Variants in GGT7 observed in about 807,000 individuals in gnomAD.
GGT7 encodes glutathione hydrolase 7.
GGT7 carries 30 observed loss-of-function variants against 69.2 expected under a neutral mutation model. The ratio of observed to expected loss-of-function variants is 0.43; its 90% CI spans 0.32 to 0.59. The LOEUF (loss-of-function observed/expected upper bound fraction) is 0.59. Among genes scored for constraint, GGT7 ranks in the 20% least tolerant of loss-of-function variants. GGT7 has a pLI of 0.05. For missense variants in GGT7, 733 were observed against 901.1 expected, an observed-to-expected ratio of 0.81 and a Z score of 2.39; for synonymous variants, 388 against 391.8, an observed-to-expected ratio of 0.99 and a Z score of 0.12.
intron 14 of GGT7, among the ~76,000 whole-genome samples, chr20:34,849,672 T>A (rs1449017877): frequency 6.6e-6 from 1 of 152,218 alleles, no homozygotes; most frequent in African/African-American, 2.4e-5. Context: ...ACGTGTTCAA[T>A]ACAAACTGTT....
At chr20:34,860,661 T>C (rs868472624) in intron 4 of GGT7, among the ~76,000 whole-genome samples, 2 of 126,530 alleles carry the variant, frequency 1.6e-5, no homozygotes, top group African/African-American at 6.4e-5. Flanking sequence ...TTTTTTTTTT[T>C]TCCTGTTACC....
chr20:34,854,168 C>G (rs1255881552), intron 10 of GGT7, among the ~76,000 whole-genome samples: 1 of 152,190 alleles, frequency 6.6e-6, no homozygotes, highest in African/African-American at 2.4e-5. Flanking sequence ...AACTCTTGAC[C>G]TCAGGTGATC....
chr20:34,854,739 A>C lies in GGT7; in HGVS notation c.1230+57T>G, dbSNP rs2079461852. 18 of 1,609,314 alleles carry C rather than the reference A, an allele frequency of 1.1e-5. No homozygotes were observed. The South Asian group carries it at 1.8e-4, about 16-fold the overall frequency. ...TTAGTCCTGCCCTATGGCAGTACCC[A>C]ATCTCCCCACTCCTAATATCCTTAA... is the stretch of plus-strand genomic sequence containing the variant. On this transcript the variant is annotated intron_variant, in intron 9 of 14. Coordinates refer to ENST00000336431, the MANE Select transcript of GGT7 (RefSeq NM_178026.3).
chr20:34,856,572 C>G (rs1056328116), intron 8 of GGT7, among the ~76,000 whole-genome samples: 3 of 152,152 alleles, frequency 2.0e-5, no homozygotes, highest in Non-Finnish European at 4.4e-5. Flanking sequence ...CCAGGTTGGA[C>G]CCTTTGACCA....
Position 34,872,665 on chromosome 20 carries a change from GA to G in GGT7, c.150del (p.Leu51TrpfsTer12). The G allele has an allele frequency of 6.7e-7, 1 of 1,481,976 alleles. No homozygotes were observed. The allele number at this position is 1,481,976 out of a possible 1,614,324, so 91.8% of individuals were successfully genotyped here. ...GCCTCACCGGTGTCGGGGTCTCCCA[GA>G]AAGGCGTCCTCGTCCTTGCGGCCCC... ...PLRGRKDEDAFLGDPDTDPDS... is the reference protein window; with the variant it reads ...PLRGRKDEDAXLGDPDTDPDS... On this transcript the variant is annotated frameshift_variant, in exon 1 of 15. Coordinates refer to ENST00000336431, the MANE Select transcript of GGT7 (RefSeq NM_178026.3). LOFTEE classifies it high-confidence loss of function.
At position 34,863,346 on chromosome 20, in the gene GGT7, C is replaced by A; in HGVS notation, c.372G>T (p.Ala124=). ...CLTFATGVTV[A]LVMQIYFGDP... The stretch of plus-strand genomic sequence containing the variant: ...CCCCGAAGTAGATCTGCATGACCAG[C>A]GCCACGGTGACACCGGTAGCGAAGG... Residue 124 remains alanine, a synonymous_variant, in exon 2 of 15, where the codon GCG becomes GCT. Transcript: ENST00000336431. The surrounding 1 kb of genome is among the most constrained non-coding windows in gnomAD (Gnocchi z 4.4). 2 of 1,613,850 alleles carry A rather than the reference C, an allele frequency of 1.2e-6. No homozygotes were observed. Among genetic ancestry groups the A allele is most frequent in the African/African-American group, 2.7e-5 (2 of 75,034 alleles).
rs45623531 is a variant in GGT7, at chr20:34,845,503, C to T, written c.1826-12G>A. ...CTCTGTGAACTCACCTGAAAACCAT[C>T]CCCGACATATACACATTCAGAATGT... On this transcript the variant is annotated splice_polypyrimidine_tract_variant and intron_variant, in intron 14 of 14. Coordinates refer to ENST00000336431, the MANE Select transcript of GGT7 (RefSeq NM_178026.3). The T allele has an allele frequency of 0.013, 21,132 of 1,611,692 alleles. 178 individuals are homozygous for T. Among genetic ancestry groups the T allele is most frequent in the Non-Finnish European group, 0.016 (18,815 of 1,178,158 alleles).
At chr20:34,846,040 G>A (rs2079299572) in intron 14 of GGT7, among the ~76,000 whole-genome samples, 1 of 151,750 alleles carries the variant, frequency 6.6e-6, no homozygotes, top group African/African-American at 2.4e-5. Flanking sequence ...ACTCCAGTCT[G>A]GGCAAAAGAG....
At position 34,872,826 on chromosome 20, in the gene GGT7, G is replaced by GC. The variant is rs1422180650; in HGVS notation, c.-12dup. The GC allele has an allele frequency of 5.2e-6, 7 of 1,337,114 alleles. No individual in the cohort carries two copies. Among genetic ancestry groups the GC allele is most frequent in the South Asian group, 1.9e-5 (1 of 51,802 alleles). 82.8% of individuals were successfully genotyped at this position (1,337,114 alleles called of 1,614,324 possible). ...GTTCTCCGCCGCCATCCTCGCCCGC[G>GC]CCCCCCAGCAGCGCAGCGCCTGCCG... On this transcript the variant is annotated 5_prime_UTR_variant, in exon 1 of 15. Coordinates refer to ENST00000336431, the MANE Select transcript of GGT7 (RefSeq NM_178026.3).
chr20:34,865,145 GA>G lies in GGT7; in HGVS notation c.170-1598del, dbSNP rs537788268. The stretch of plus-strand genomic sequence containing the variant: ...CCCACTACTAGAGAGTTTTAAGCAA[GA>G]ATGTGAAACCATCTGTTCTGTGTGT... On this transcript the variant is annotated intron_variant, in intron 1 of 14. Coordinates refer to ENST00000336431, the MANE Select transcript of GGT7 (RefSeq NM_178026.3). Among the ~76,000 whole-genome samples the G allele has an allele frequency of 1.6e-3, 237 of 151,958 alleles. 2 individuals carry two copies. The highest frequency in any genetic ancestry group is 2.7e-3 in the Non-Finnish European group (182 of 67,960).
chr20:34,861,912 ACTT>A (rs1180093082), intron 3 of GGT7, among the ~76,000 whole-genome samples: 2 of 152,042 alleles, frequency 1.3e-5, no homozygotes, highest in Non-Finnish European at 2.9e-5. Flanking sequence ...GCACCTGTCT[ACTT>A]GGTATGTCCC....
chr20:34,852,336 C>T (rs201177862), intron 11 of GGT7, 53 bp downstream of exon 11: 2 of 1,611,374 alleles, frequency 1.2e-6, no homozygotes, highest in Non-Finnish European at 8.5e-7. Context: ...GCCCCCACCC[C>T]CTCTTGGTTC....
chr20:34,857,009 A>AC (rs1568935034), intron 7 of GGT7, 116 bp from the exon 8 acceptor site: 1 of 720,978 alleles, frequency 1.4e-6, no homozygotes. Context: ...GCCTTCTGCA[A>AC]CCCCCATCGT....
chr20:34,864,487 G>A (rs1281037775), intron 1 of GGT7, among the ~76,000 whole-genome samples: 3 of 152,084 alleles, frequency 2.0e-5, no homozygotes, highest in Non-Finnish European at 2.9e-5. Context: ...CTGGGGGGCC[G>A]AGGCGGGTGG....
At chr20:34,856,779 G>A (rs757211029) in intron 8 of GGT7, 27 bp downstream of exon 8, 10 of 1,371,804 alleles carry the variant, frequency 7.3e-6, no homozygotes, top group South Asian at 3.6e-5. Context: ...CCTGAGGGGG[G>A]ACCCTGGGAG....
chr20:34,854,032 G>A (rs2079444028), intron 10 of GGT7, among the ~76,000 whole-genome samples: 1 of 152,156 alleles, frequency 6.6e-6, no homozygotes, highest in Admixed American at 6.5e-5. Context: ...TGCTTCCCGG[G>A]TTCAAGTGAT....
rs750788716 is a variant in GGT7 at position 34,860,332 on chromosome 20, C to T, written c.676-11G>A. ...CACCAAGAGCCCAGGCTGGGCAAGG[C>T]GGGTAGGCGAGGGAGAGAGGAGACC... is the stretch of plus-strand genomic sequence containing the variant. On this transcript the variant is annotated splice_polypyrimidine_tract_variant and intron_variant, in intron 4 of 14. Coordinates refer to ENST00000336431, the MANE Select transcript of GGT7 (RefSeq NM_178026.3). 52 of 1,611,292 alleles carry T rather than the reference C, an allele frequency of 3.2e-5. No homozygotes were observed. In the South Asian group the frequency reaches 4.4e-4, roughly 14 times the overall value.
At chr20:34,846,453 G>A (rs1031442125) in intron 14 of GGT7, among the ~76,000 whole-genome samples, 5 of 151,420 alleles carry the variant, frequency 3.3e-5, no homozygotes, top group East Asian at 1.9e-4. Context: ...ACAGGCTTGC[G>A]CCACCACACC....
intron 1 of GGT7, among the ~76,000 whole-genome samples, chr20:34,864,595 C>A (rs183977537): frequency 4.6e-5 from 7 of 151,834 alleles, no homozygotes; most frequent in Non-Finnish European, 7.4e-5. Flanking sequence ...GTGATGTGTG[C>A]CTCTAATTCC....
Sources: gnomAD v4.1 joint callset for allele counts (sites outside exome capture counted in the v4.1 genomes callset) on GRCh38, gnomAD v4.1.1 for gene constraint, Gnocchi (gnomAD v3.1) non-coding constraint, MANE v1.5 for transcripts, NCBI Gene and HGNC (gene_info 2026-07-23, HGNC 2026-07-21) for gene names.